The following PPFIA2 variants were observed in gnomAD, a reference collection of about 807,000 sequenced individuals.
PPFIA2 encodes the protein PPFI scaffold protein A2.
A neutral mutation model predicts 175.5 loss-of-function variants in PPFIA2; 46 were observed. The ratio of observed to expected loss-of-function variants is 0.26; its 90% CI spans 0.21 to 0.34. PPFIA2 has a LOEUF of 0.34. Among genes scored for constraint, PPFIA2 ranks in the 10% least tolerant of loss-of-function variants. The probability of loss-of-function intolerance (pLI) is 1.00; values close to 1 mark genes in which losing one functional copy is unlikely to be tolerated. For synonymous variants in PPFIA2, 568 were observed against 511.4 expected (o/e 1.11, Z -1.49); for missense variants, 1,179 against 1,506.1 (o/e 0.78, Z 3.60).
Position 81,330,908 on chromosome 12 carries a change from A to C in PPFIA2, c.2549-5038T>G, listed in dbSNP as rs1425272981. Among the ~76,000 whole-genome samples the C allele has an allele frequency of 3.3e-5, 5 of 152,378 alleles. No homozygotes were observed. The East Asian group carries it at 9.6e-4, about 29-fold the overall frequency. ...ACACAGTGCCTGGCTCATAAAGGGT[A>C]TGTAACAAATACAGTCATAATTGGA... On this transcript the variant is annotated intron_variant, in intron 21 of 32. Transcript: ENST00000549396.
intron 4 of PPFIA2, among the ~76,000 whole-genome samples, chr12:81,636,578 TAAA>T (rs59088035): frequency 7.0e-6 from 1 of 142,866 alleles, no homozygotes; most frequent in African/African-American, 2.6e-5. Flanking sequence ...TCTCTGATAT[TAAA>T]AAAAAAAAAA....
In PPFIA2 at chr12:81,446,055, C is replaced by T. The variant is rs1219668899; in HGVS notation, c.406-335G>A. 8.5e-5 allele frequency among the ~76,000 whole-genome samples: 13 copies of T among 152,266 alleles called. No homozygotes were observed. In the South Asian group the frequency reaches 2.5e-3, roughly 29 times the overall value. ...GTATGATAATGATGAAAGAACATTG[C>T]TTGATGCATCATGATCTTTTTAGAG... is the stretch of plus-strand genomic sequence containing the variant. On this transcript the variant is annotated intron_variant, in intron 5 of 32. Transcript: ENST00000549396.
At chr12:81,684,501 G>T (rs540865250) in intron 3 of PPFIA2, among the ~76,000 whole-genome samples, 1 of 152,224 alleles carries the variant, frequency 6.6e-6, no homozygotes, top group South Asian at 2.1e-4. Flanking sequence ...ATTATTGAAT[G>T]AATGATGTGA....
intron 7 of PPFIA2, among the ~76,000 whole-genome samples, chr12:81,432,445 C>A (rs1193720390): frequency 2.0e-5 from 3 of 150,816 alleles, no homozygotes. Context: ...CACATACTGG[C>A]CTTCGGAGCA....
rs2074690322 is a variant in PPFIA2, at chr12:81,583,294, A to G, written c.303+93497T>C. Reference sequence around the variant, plus strand: ...GATTAGGATAAAGCCATTTGATGTAAATTGTTTCAAAATGCTTTCTATCAA... The same window carrying G: ...GATTAGGATAAAGCCATTTGATGTAGATTGTTTCAAAATGCTTTCTATCAA... On this transcript the variant is annotated intron_variant, in intron 4 of 32. Coordinates refer to ENST00000549396, the MANE Select transcript of PPFIA2 (RefSeq NM_003625.5). 2.0e-5 allele frequency among the ~76,000 whole-genome samples: 3 copies of G among 151,852 alleles called. No homozygotes were observed. In the South Asian group the frequency reaches 6.2e-4, roughly 31 times the overall value.
chr12:81,422,555 G>C (rs1187118067), intron 7 of PPFIA2, among the ~76,000 whole-genome samples: 1 of 152,088 alleles, frequency 6.6e-6, no homozygotes, highest in Non-Finnish European at 1.5e-5. Context: ...ATGGAAGGGA[G>C]TCAAGGGCTA....
chr12:81,466,929 AAAT>A (rs1478914726), intron 4 of PPFIA2, among the ~76,000 whole-genome samples: 1 of 147,668 alleles, frequency 6.8e-6, no homozygotes, highest in Non-Finnish European at 1.5e-5. Flanking sequence ...TAAATGTAAT[AAAT>A]AATATACATA....
intron 23 of PPFIA2, among the ~76,000 whole-genome samples, chr12:81,298,690 A>G (rs1240279825): frequency 2.0e-5 from 3 of 152,112 alleles, no homozygotes; most frequent in Admixed American, 2.0e-4. Context: ...GCTGCCTCCT[A>G]CACTGTTCAG....
intron 3 of PPFIA2, among the ~76,000 whole-genome samples, chr12:81,709,847 C>T (rs1485184754): frequency 6.6e-6 from 1 of 151,604 alleles, no homozygotes; most frequent in Non-Finnish European, 1.5e-5. Flanking sequence ...AGGATAAATC[C>T]CTGTAAATTA....
chr12:81,369,229 A>G, intron 11 of PPFIA2, 35 bp from the exon 12 acceptor site: 1 of 1,593,794 alleles, frequency 6.3e-7, no homozygotes, highest in Non-Finnish European at 8.6e-7. Context: ...CCTGAAATGT[A>G]AGATTTGGTT....
intron 30 of PPFIA2, among the ~76,000 whole-genome samples, chr12:81,265,857 T>C (rs2037101049): frequency 6.6e-6 from 1 of 152,198 alleles, no homozygotes; most frequent in African/African-American, 2.4e-5. Flanking sequence ...GTAAGAATAA[T>C]TGTATTTTAA....
intron 8 of PPFIA2, among the ~76,000 whole-genome samples, chr12:81,391,732 A>G (rs1177321051): frequency 1.3e-5 from 2 of 151,954 alleles, no homozygotes; most frequent in African/African-American, 4.8e-5. Flanking sequence ...ATTTGGGTCA[A>G]GCTTATACTA....
At chr12:81,280,517 C>T (rs2041841718) in intron 27 of PPFIA2, among the ~76,000 whole-genome samples, 1 of 151,960 alleles carries the variant, frequency 6.6e-6, no homozygotes, top group Non-Finnish European at 1.5e-5. Flanking sequence ...GTCTCCCAAG[C>T]CAAAATCATC....
intron 3 of PPFIA2, among the ~76,000 whole-genome samples, chr12:81,700,768 C>G (rs1015438425): frequency 6.6e-6 from 1 of 151,746 alleles, no homozygotes; most frequent in African/African-American, 2.4e-5. Flanking sequence ...AAACAAAAAC[C>G]AAAATAACTA....
chr12:81,489,040 T>C (rs2059149089), intron 4 of PPFIA2, among the ~76,000 whole-genome samples: 1 of 151,868 alleles, frequency 6.6e-6, no homozygotes, highest in African/African-American at 2.4e-5. Context: ...CCAACTTTTC[T>C]TGGACCAGAT....
chr12:81,408,687 T>G (rs759561707), intron 7 of PPFIA2, among the ~76,000 whole-genome samples: 2 of 152,188 alleles, frequency 1.3e-5, no homozygotes, highest in African/African-American at 2.4e-5. Flanking sequence ...AATTCTAAAC[T>G]TCAAGTTTGC....
chr12:81,621,442 A>G (rs992425971), intron 4 of PPFIA2, among the ~76,000 whole-genome samples: 5 of 152,240 alleles, frequency 3.3e-5, no homozygotes, highest in Admixed American at 1.3e-4. Context: ...AAACTTTGGA[A>G]GGATCTGAGC....
chr12:81,551,089 C>T (rs1594831828), intron 4 of PPFIA2, among the ~76,000 whole-genome samples: 2 of 151,784 alleles, frequency 1.3e-5, no homozygotes, highest in South Asian at 4.1e-4. Flanking sequence ...AGGATAAACA[C>T]ATTACAGTGA....
intron 4 of PPFIA2, among the ~76,000 whole-genome samples, chr12:81,614,199 A>G (rs1035136322): frequency 6.6e-6 from 1 of 152,146 alleles, no homozygotes; most frequent in African/African-American, 2.4e-5. Flanking sequence ...ATCCCCCTGC[A>G]CATATTCACA....
Sources: allele counts gnomAD v4.1 joint callset (sites outside exome capture counted in the v4.1 genomes callset), GRCh38; gene constraint gnomAD v4.1.1; transcripts MANE v1.5; gene names NCBI Gene and HGNC (gene_info 2026-07-23, HGNC 2026-07-21).